Variants in CACNA1E observed in about 807,000 individuals in gnomAD.
CACNA1E encodes the protein voltage-dependent R-type calcium channel subunit alpha-1E.
Under a neutral mutation model 259.2 loss-of-function variants are expected in CACNA1E, and 40 were observed. The observed-to-expected ratio is 0.15, with a 90% CI of 0.12 to 0.20. CACNA1E has a LOEUF of 0.20. Ranked by LOEUF, CACNA1E falls within the 10% of genes least tolerant of loss-of-function variation. The probability of loss-of-function intolerance (pLI) is 1.00; values close to 1 mark genes in which losing one functional copy is unlikely to be tolerated. For missense variants in CACNA1E, 1,874 were observed against 3,040.1 expected, an observed-to-expected ratio of 0.62 and a Z score of 9.02; for synonymous variants, 1,104 against 1,138.5, an observed-to-expected ratio of 0.97 and a Z score of 0.61.
chr1:181,790,464 C>A lies in CACNA1E; in HGVS notation c.5806C>A (p.Pro1936Thr), dbSNP rs764384801. 6.2e-7 allele frequency: 1 copy of A among 1,611,692 alleles called. No homozygotes were observed. Among genetic ancestry groups the A allele is most frequent in the Admixed American group, 1.7e-5 (1 of 60,018 alleles). ...VSGLSGRSGY[P>T]SMSPLSPQDI... Reference sequence around the variant, plus strand: ...TTTCAGGAGTGGCCGGAGTGGATACCCTTCGATGAGTCCACTCTCTCCCCA... The same window carrying A: ...TTTCAGGAGTGGCCGGAGTGGATACACTTCGATGAGTCCACTCTCTCCCCA... The change falls in exon 44 of 48, where the codon CCT becomes ACT. Residue 1936 changes from proline (P) to threonine (T), a missense_variant. Transcript: ENST00000367573.
chr1:181,453,046 T>C (rs1428973930), intron 2 of CACNA1E, among the ~76,000 whole-genome samples: 1 of 152,270 alleles, frequency 6.6e-6, no homozygotes, highest in Non-Finnish European at 1.5e-5. Flanking sequence ...TTGGACACTT[T>C]GTGGCAGTGT....
intron 1 of CACNA1E, among the ~76,000 whole-genome samples, chr1:181,329,640 A>C (rs78423097): frequency 0.091 from 13,811 of 152,094 alleles, 822 homozygotes; most frequent in South Asian, 0.18. Flanking sequence ...TCAGTTCTTG[A>C]TTTAACTGTC....
chr1:181,523,670 G>C (rs1249932778), intron 3 of CACNA1E, among the ~76,000 whole-genome samples: 1 of 152,202 alleles, frequency 6.6e-6, no homozygotes, highest in Non-Finnish European at 1.5e-5. Flanking sequence ...ACTCCTCCAA[G>C]GGATGGGGTT....
rs550577968 is a variant in CACNA1E, at chr1:181,780,490, G to A, written c.5268-937G>A. Reference sequence around the variant, plus strand: ...CTCCCTGGGGCATAGCACTGCCCAGGCAGCTGGAAGATGACCTAGGCTCAG... The same window carrying A: ...CTCCCTGGGGCATAGCACTGCCCAGACAGCTGGAAGATGACCTAGGCTCAG... On this transcript the variant is annotated intron_variant, in intron 38 of 47. Coordinates refer to ENST00000367573, the MANE Select transcript of CACNA1E (RefSeq NM_001205293.3). Among the ~76,000 whole-genome samples the A allele has an allele frequency of 2.6e-5, 4 of 152,298 alleles. No homozygotes were observed. The South Asian group carries it at 8.3e-4, about 32-fold the overall frequency.
At chr1:181,576,044 A>G (rs1320669758) in intron 3 of CACNA1E, among the ~76,000 whole-genome samples, 2 of 152,186 alleles carry the variant, frequency 1.3e-5, no homozygotes, top group African/African-American at 4.8e-5. Context: ...CTTGGAAGAT[A>G]GAGTCAAAAG....
intron 1 of CACNA1E, among the ~76,000 whole-genome samples, chr1:181,337,304 C>T (rs1053448840): frequency 5.3e-5 from 8 of 150,082 alleles, no homozygotes; most frequent in Admixed American, 4.0e-4. Flanking sequence ...TACAGGCGCC[C>T]GCCACCACGC....
At chr1:181,499,353 C>G (rs3856088) in intron 1 of CACNA1E, among the ~76,000 whole-genome samples, 1 of 152,158 alleles carries the variant, frequency 6.6e-6, no homozygotes, top group East Asian at 1.9e-4. Context: ...TTAGAATTCT[C>G]TATTGGAGCT....
Position 181,785,793 on chromosome 1 carries a change from C to T in CACNA1E, c.5760C>T (p.Tyr1920=). 6.2e-7 allele frequency: 1 copy of T among 1,610,578 alleles called. No individual in the cohort carries two copies. Among genetic ancestry groups the T allele is most frequent in the Non-Finnish European group, 8.5e-7 (1 of 1,178,780 alleles). ...TTGCTAATGCCAAAGCCCTGCCTTA[C>T]CTCCAGCAGGACCCCGTTTCAGGCC... ...EIIANAKALP[Y]LQQDPVSGLS... Residue 1920 remains tyrosine, a synonymous_variant, in exon 43 of 48, where the codon TAC becomes TAT. Coordinates refer to ENST00000367573, the MANE Select transcript of CACNA1E (RefSeq NM_001205293.3).
intron 2 of CACNA1E, among the ~76,000 whole-genome samples, chr1:181,443,008 C>T (rs1660596134): frequency 6.6e-6 from 1 of 152,116 alleles, no homozygotes; most frequent in Admixed American, 6.5e-5. Context: ...AAGAAAAGCC[C>T]AAATGGAGAT....
chr1:181,481,661 C>G (rs1392762282), upstream of CACNA1E, among the ~76,000 whole-genome samples: 1 of 152,132 alleles, frequency 6.6e-6, no homozygotes, highest in East Asian at 1.9e-4. Flanking sequence ...CAGGAAAACA[C>G]AGAAGACGGT....
chr1:181,521,193 G>A (rs1322633112), intron 3 of CACNA1E, among the ~76,000 whole-genome samples: 1 of 152,198 alleles, frequency 6.6e-6, no homozygotes, highest in Non-Finnish European at 1.5e-5. Flanking sequence ...AGTGACAAGG[G>A]TGGCTGCTTC....
chr1:181,467,495 T>G (rs1314288660), intron 2 of CACNA1E, among the ~76,000 whole-genome samples: 3 of 152,172 alleles, frequency 2.0e-5, no homozygotes, highest in Admixed American at 2.0e-4. Context: ...ATCTAGTTGA[T>G]AAGCCTTAAG....
intron 2 of CACNA1E, among the ~76,000 whole-genome samples, chr1:181,416,031 C>T (rs796802395): frequency 2.0e-5 from 3 of 152,174 alleles, no homozygotes; most frequent in South Asian, 2.1e-4. Context: ...TCTCTGTCCT[C>T]GCTTCAAGGC....
chr1:181,516,604 C>T (rs527813605), intron 3 of CACNA1E, among the ~76,000 whole-genome samples: 58 of 152,286 alleles, frequency 3.8e-4, no homozygotes, highest in African/African-American at 1.3e-3. Flanking sequence ...TCAGACTCAG[C>T]GACAGCACCA....
In CACNA1E at chr1:181,459,955, T is replaced by G. The variant is rs1276757527; in HGVS notation, c.435-23789T>G. Among the ~76,000 whole-genome samples the G allele has an allele frequency of 1.3e-5, 2 of 152,216 alleles. 1 individual carries two copies. Among genetic ancestry groups the G allele is most frequent in the East Asian group, 3.8e-4 (2 of 5,202 alleles). ...CAGTTGTCTTTTACCAATGGCCAGC[T>G]AGGTAATGCACCATCATATTGGCTC... On this transcript the variant is annotated intron_variant, in intron 2 of 11. Transcript: ENST00000524607.
At position 181,779,454 on chromosome 1, in the gene CACNA1E, C is replaced by T. The variant is rs140403298; in HGVS notation, c.5268-1973C>T. ...TGCTTCCTTTACAGCGGCAGGATCC[C>T]GTATAAGGATATGTACAAATTAGTG... On this transcript the variant is annotated intron_variant, in intron 38 of 47. Transcript: ENST00000367573. 235 of 449,962 alleles carry T rather than the reference C, an allele frequency of 5.2e-4. 1 individual carries two copies. The highest frequency in any genetic ancestry group is 4.1e-3 in the African/African-American group (205 of 50,086). The allele number at this position is 449,962 out of a possible 1,614,324, so 27.9% of individuals were successfully genotyped here. A position where few individuals can be genotyped will look rare whatever the true frequency, so the allele number is the denominator to read the frequency against.
intron 43 of CACNA1E, among the ~76,000 whole-genome samples, chr1:181,786,084 C>T (rs1660822955): frequency 6.6e-6 from 1 of 152,150 alleles, no homozygotes; most frequent in Non-Finnish European, 1.5e-5. Flanking sequence ...TTTTAATATA[C>T]TTGGGTCTTA....
upstream of CACNA1E, among the ~76,000 whole-genome samples, chr1:181,481,358 A>ACC (rs1300105901): frequency 2.0e-5 from 3 of 151,842 alleles, no homozygotes; most frequent in Non-Finnish European, 2.9e-5. Context: ...ACACACACAC[A>ACC]CACACACACA....
At chr1:181,672,394 G>A (rs1648901348) in intron 7 of CACNA1E, among the ~76,000 whole-genome samples, 1 of 152,204 alleles carries the variant, frequency 6.6e-6, no homozygotes, top group Non-Finnish European at 1.5e-5. Flanking sequence ...TTGAAAAAAA[G>A]GATGTCTTTG....
Sources: allele counts gnomAD v4.1 joint callset (sites outside exome capture counted in the v4.1 genomes callset), GRCh38; gene constraint gnomAD v4.1.1; transcripts MANE v1.5; gene names NCBI Gene and HGNC (gene_info 2026-07-23, HGNC 2026-07-21).